RNLS: variants seen among roughly 807,000 people sequenced by gnomAD.
RNLS encodes renalase, FAD dependent amine oxidase, also known as renalase.
A neutral mutation model predicts 39.8 loss-of-function variants in RNLS; 39 were observed. The ratio of observed to expected loss-of-function variants is 0.98; its 90% CI spans 0.76 to 1.28. The LOEUF (loss-of-function observed/expected upper bound fraction) is 1.28. RNLS is among the 50% of genes most tolerant of loss of function. The pLI is 0.00. For synonymous variants in RNLS, 147 were observed against 150.7 expected (o/e 0.98, Z 0.18); for missense variants, 410 against 413.3 (o/e 0.99, Z 0.07).
chr10:88,312,675 G>T (rs1363151049), intron 6 of RNLS, among the ~76,000 whole-genome samples: 1 of 151,968 alleles, frequency 6.6e-6, no homozygotes, highest in African/African-American at 2.4e-5. Context: ...TCATAAGACT[G>T]CTTTTAAAAC....
At chr10:88,197,486 A>G in the RNLS span, among the ~76,000 whole-genome samples, 11 of 152,284 alleles carry the variant, frequency 7.2e-5, no homozygotes, top group African/African-American at 2.4e-4. Flanking sequence ...GGTGTCAAGC[A>G]GTGGTTAGAT....
chr10:88,275,971 T>C (rs1589444416), intron 6 of RNLS, among the ~76,000 whole-genome samples: 1 of 152,130 alleles, frequency 6.6e-6, no homozygotes, highest in Non-Finnish European at 1.5e-5. Context: ...GGAGGATCCC[T>C]TGAGCCCAGG....
At chr10:88,542,303 G>T (rs1246515343) in intron 4 of RNLS, among the ~76,000 whole-genome samples, 1 of 152,142 alleles carries the variant, frequency 6.6e-6, no homozygotes, top group Admixed American at 6.6e-5. Flanking sequence ...AGTCCAGGGA[G>T]TCAGCACGTG....
downstream of RNLS, among the ~76,000 whole-genome samples, chr10:88,270,466 AG>A (rs1405419357): frequency 2.6e-5 from 4 of 152,178 alleles, no homozygotes; most frequent in African/African-American, 7.2e-5. Context: ...CTTGTGCCTC[AG>A]GGGTTCCTAA....
At chr10:88,350,072 T>A (rs1385379093) in intron 5 of RNLS, among the ~76,000 whole-genome samples, 1 of 152,192 alleles carries the variant, frequency 6.6e-6, no homozygotes, top group East Asian at 1.9e-4. Context: ...AACCTGACAG[T>A]TTTTCATGAT....
At chr10:88,364,838 T>C (rs1849923588) in intron 4 of RNLS, among the ~76,000 whole-genome samples, 1 of 152,110 alleles carries the variant, frequency 6.6e-6, no homozygotes, top group South Asian at 2.1e-4. Flanking sequence ...TACTGTTTTC[T>C]AAGAGGGAGG....
the RNLS span, among the ~76,000 whole-genome samples, chr10:88,182,037 C>CA: frequency 6.6e-6 from 1 of 152,102 alleles, no homozygotes; most frequent in Non-Finnish European, 1.5e-5. Context: ...CTTATGCTGG[C>CA]ATTAGGGAAG....
chr10:88,533,517 G>A (rs1847562793), intron 4 of RNLS, among the ~76,000 whole-genome samples: 1 of 152,138 alleles, frequency 6.6e-6, no homozygotes, highest in Non-Finnish European at 1.5e-5. Flanking sequence ...CCCAATTTTA[G>A]TCCATAAGCA....
At chr10:88,376,854 G>A (rs1016630882) in intron 4 of RNLS, among the ~76,000 whole-genome samples, 10 of 151,876 alleles carry the variant, frequency 6.6e-5, no homozygotes, top group African/African-American at 2.4e-4. Context: ...ATATCAAAAT[G>A]GTTTTGGCTA....
intron 4 of RNLS, among the ~76,000 whole-genome samples, chr10:88,503,150 G>A (rs1244532001): frequency 6.6e-6 from 1 of 152,158 alleles, no homozygotes; most frequent in African/African-American, 2.4e-5. Context: ...GGAGGCCAAG[G>A]TGGGAGGATT....
intron 4 of RNLS, among the ~76,000 whole-genome samples, chr10:88,391,002 C>T (rs1023617587): frequency 1.3e-5 from 2 of 152,150 alleles, no homozygotes; most frequent in Non-Finnish European, 2.9e-5. Context: ...GAAGACTATA[C>T]TTTGTTTCAT....
At chr10:88,344,289 G>T (rs1173120837) in intron 5 of RNLS, among the ~76,000 whole-genome samples, 2 of 152,120 alleles carry the variant, frequency 1.3e-5, no homozygotes, top group Non-Finnish European at 2.9e-5. Flanking sequence ...TTAGTAAAGA[G>T]AAGTTTTTGC....
At chr10:88,495,900 G>A (rs1845147166) in intron 4 of RNLS, among the ~76,000 whole-genome samples, 2 of 152,172 alleles carry the variant, frequency 1.3e-5, no homozygotes, top group South Asian at 4.2e-4. Context: ...GCTTCAAGTG[G>A]GAATTTTGAA....
intron 4 of RNLS, among the ~76,000 whole-genome samples, chr10:88,385,696 C>T (rs536701728): frequency 5.3e-5 from 8 of 152,290 alleles, no homozygotes; most frequent in Admixed American, 1.3e-4. Flanking sequence ...CTGGGAAAAC[C>T]GTGGCAGCCT....
chr10:88,202,319 G>T, the RNLS span, among the ~76,000 whole-genome samples: 1 of 116,984 alleles, frequency 8.5e-6, no homozygotes. Context: ...GAGGGGGGAG[G>T]GATAGCATTA....
chr10:88,187,462 C>T, the RNLS span, among the ~76,000 whole-genome samples: 1 of 152,012 alleles, frequency 6.6e-6, no homozygotes, highest in African/African-American at 2.4e-5. Flanking sequence ...TATCCATATG[C>T]TCCCCACATC....
intron 4 of RNLS, among the ~76,000 whole-genome samples, chr10:88,544,443 G>C (rs1161935672): frequency 2.6e-5 from 4 of 152,062 alleles, no homozygotes; most frequent in Non-Finnish European, 5.9e-5. Context: ...TTATATTTCT[G>C]TTTTGTCCCA....
chr10:88,242,676 C>T, the RNLS span, among the ~76,000 whole-genome samples: 2 of 152,170 alleles, frequency 1.3e-5, no homozygotes, highest in East Asian at 3.9e-4. Context: ...GGAGGCTGGG[C>T]ACGGTGGCTT....
intron 5 of RNLS, among the ~76,000 whole-genome samples, chr10:88,341,058 CAA>C (rs58277887): frequency 2.2e-4 from 28 of 128,452 alleles, no homozygotes; most frequent in Non-Finnish European, 2.5e-4. Context: ...GATTCTGTCT[CAA>C]AAAAAAAAAA....
Sources: allele counts gnomAD v4.1 joint callset (sites outside exome capture counted in the v4.1 genomes callset), GRCh38; gene constraint gnomAD v4.1.1; transcripts MANE v1.5; gene names NCBI Gene and HGNC (gene_info 2026-07-23, HGNC 2026-07-21).